Variants in PSTPIP1 observed in about 807,000 individuals in gnomAD.
PSTPIP1 encodes proline-serine-threonine phosphatase interacting protein 1.
PSTPIP1 carries 66 observed loss-of-function variants against 69.6 expected under a neutral mutation model. The observed-to-expected ratio is 0.95, with a 90% CI of 0.78 to 1.16. The LOEUF is 1.16. Among genes scored for constraint, PSTPIP1 ranks in the 50% most tolerant of loss-of-function variants. PSTPIP1 has a pLI of 0.00. For missense variants in PSTPIP1, 603 were observed against 557.4 expected, an observed-to-expected ratio of 1.08 and a Z score of -0.82; for synonymous variants, 266 against 222.7, an observed-to-expected ratio of 1.19 and a Z score of -1.73.
intron 9 of PSTPIP1, 51 bp from the exon 10 acceptor site, chr15:77,031,129 C>T (rs958509759): frequency 3.8e-5 from 58 of 1,531,962 alleles, no homozygotes; most frequent in South Asian, 1.6e-4. Context: ...CCAGCCTGGC[C>T]GGGCCCTGCA....
intron 3 of PSTPIP1, among the ~76,000 whole-genome samples, chr15:77,020,788 T>A (rs1406272136): frequency 6.8e-6 from 1 of 147,418 alleles, no homozygotes; most frequent in African/African-American, 2.5e-5. Context: ...CAATTACCCC[T>A]CCCCATGCCA....
At chr15:77,032,535 G>A (rs775344858) in intron 11 of PSTPIP1, 141 bp downstream of exon 11, 26 of 887,294 alleles carry the variant, frequency 2.9e-5, no homozygotes, top group Middle Eastern at 2.2e-4. Flanking sequence ...CAGGGGTTGT[G>A]GGGAGTTGGG....
In PSTPIP1 at chr15:76,995,375, A is replaced by C. The variant is rs912596582; in HGVS notation, c.-199A>C. ...TTTGCTGCTGATTCTAGCCCCAAAC[A>C]AAACAGGTTGAGCTTTTTCCTCCCC... On this transcript the variant is annotated 5_prime_UTR_variant, in exon 1 of 15. Transcript: ENST00000558012. The C allele has an allele frequency of 2.1e-6, 3 of 1,438,984 alleles. No homozygotes were observed. Among genetic ancestry groups the C allele is most frequent in the South Asian group, 3.0e-5 (2 of 67,628 alleles). 89.1% of individuals were successfully genotyped at this position (1,438,984 alleles called of 1,614,324 possible). A position where few individuals can be genotyped will look rare whatever the true frequency, so the allele number is the denominator to read the frequency against.
intron 9 of PSTPIP1, among the ~76,000 whole-genome samples, 180 bp from the exon 10 acceptor site, chr15:77,031,000 C>G: frequency 6.6e-6 from 1 of 152,236 alleles, no homozygotes; most frequent in Non-Finnish European, 1.5e-5. Context: ...ACCTCCCTCC[C>G]TGCAGCCTCA....
chr15:77,034,634 C>A (rs369333365), intron 12 of PSTPIP1, among the ~76,000 whole-genome samples: 1 of 152,180 alleles, frequency 6.6e-6, no homozygotes, highest in Non-Finnish European at 1.5e-5. Flanking sequence ...TCCTCCCCTG[C>A]ACCTGAGCCC....
chr15:77,000,476 TAC>T (rs893354130), intron 1 of PSTPIP1, among the ~76,000 whole-genome samples: 24 of 146,866 alleles, frequency 1.6e-4, no homozygotes, highest in South Asian at 2.2e-4. Flanking sequence ...TATATATATA[TAC>T]ACACACACAC....
rs2076088571 is a variant in PSTPIP1, at chr15:77,018,173, G to A, written c.62G>A (p.Gly21Asp). 3 of 1,587,892 alleles carry A rather than the reference G, an allele frequency of 1.9e-6. No homozygotes were observed. The South Asian group carries it at 3.5e-5, about 18-fold the overall frequency. The change falls in exon 2 of 15, where the codon GGC becomes GAC. Residue 21 changes from glycine (G) to aspartate (D), a missense_variant. Transcript: ENST00000558012. ...FWCRDFTAHT[G>D]YEVLLQRLLD... Reference sequence around the variant, plus strand: ...TGCAGGGACTTCACAGCCCACACGGGCTACGAGGTGCTGCTGCAGCGGCTT... The same window carrying A: ...TGCAGGGACTTCACAGCCCACACGGACTACGAGGTGCTGCTGCAGCGGCTT...
intron 1 of PSTPIP1, among the ~76,000 whole-genome samples, chr15:77,002,380 G>A (rs2075728185): frequency 6.6e-6 from 1 of 152,222 alleles, no homozygotes; most frequent in South Asian, 2.1e-4. Flanking sequence ...TTGGAAGTAG[G>A]ATTCTCTCCA....
chr15:77,031,396 C>T, intron 10 of PSTPIP1, 118 bp downstream of exon 10: 1 of 1,090,464 alleles, frequency 9.2e-7, no homozygotes, highest in Non-Finnish European at 1.4e-6. Flanking sequence ...AGCCTGGCCC[C>T]AGGGGTCTCA....
chr15:77,026,835 G>A (rs139563119), intron 5 of PSTPIP1, among the ~76,000 whole-genome samples: 128 of 152,380 alleles, frequency 8.4e-4, no homozygotes, highest in African/African-American at 2.9e-3. Context: ...CCAGGAAGGA[G>A]GGACCCCGGC....
At chr15:77,035,400 T>C in intron 12 of PSTPIP1, 108 bp from the exon 13 acceptor site, 1 of 1,214,048 alleles carries the variant, frequency 8.2e-7, no homozygotes, top group African/African-American at 1.5e-5. Context: ...GTCCCAGCCC[T>C]GGCAGAGCGC....
chr15:77,028,781 C>G, intron 7 of PSTPIP1, 129 bp downstream of exon 7: 1 of 796,424 alleles, frequency 1.3e-6, no homozygotes, highest in Non-Finnish European at 1.9e-6. Flanking sequence ...TCTCTGACCC[C>G]CAATCTCCCC....
rs772639391 is a variant in PSTPIP1 at position 77,007,972 on chromosome 15, A to G, written c.37-10176A>G. The G allele has an allele frequency of 1.2e-3, 566 of 455,942 alleles. 3 individuals are homozygous for G. The highest frequency in any genetic ancestry group is 2.1e-3 in the Non-Finnish European group (487 of 226,704). The allele number at this position is 455,942 out of a possible 1,614,324, so 28.2% of individuals were successfully genotyped here. A position where few individuals can be genotyped will look rare whatever the true frequency, so the allele number is the denominator to read the frequency against. On this transcript the variant is annotated intron_variant, in intron 1 of 14. Transcript: ENST00000558012. ...TTGGTCACCTCCTGAACAATTGCCC[A>G]TTGACCTGGACCAGCTCTGAGCCCA...
At chr15:77,032,973 G>A (rs760932713) in intron 12 of PSTPIP1, 21 bp downstream of exon 12, 152 of 1,580,134 alleles carry the variant, frequency 9.6e-5, no homozygotes, top group Admixed American at 2.3e-4. Flanking sequence ...GACAGACGGA[G>A]GGAGGGCCTA....
At chr15:77,018,061 C>A (rs984820089) in intron 1 of PSTPIP1, 87 bp from the exon 2 acceptor site, 6 of 1,353,056 alleles carry the variant, frequency 4.4e-6, no homozygotes, top group African/African-American at 1.4e-5. Flanking sequence ...GGAGGCTGTT[C>A]CCAGAGATGG....
chr15:77,035,601 T>C (rs2076542399), intron 13 of PSTPIP1, 38 bp downstream of exon 13: 2 of 1,549,460 alleles, frequency 1.3e-6, no homozygotes, highest in Non-Finnish European at 1.7e-6. Context: ...AACACACTGA[T>C]CCTGGGGGGG....
chr15:76,994,714 A>C, upstream of PSTPIP1: 2 of 1,266,016 alleles, frequency 1.6e-6, no homozygotes, highest in Non-Finnish European at 2.1e-6. Flanking sequence ...CCCCCAGAGC[A>C]CAGCTGTGTC....
At chr15:77,032,683 C>T in intron 11 of PSTPIP1, 179 bp from the exon 12 acceptor site, 1 of 639,312 alleles carries the variant, frequency 1.6e-6, no homozygotes, top group Non-Finnish European at 2.7e-6. Flanking sequence ...ATCACGGGTC[C>T]AGAATATTAG....
At position 76,996,652 on chromosome 15, in the gene PSTPIP1, C is replaced by T. The variant is rs181568154; in HGVS notation, c.36+1043C>T. On this transcript the variant is annotated intron_variant, in intron 1 of 14. Coordinates refer to ENST00000558012, the MANE Select transcript of PSTPIP1 (RefSeq NM_003978.5). ...GGCTCCACTTGGGGCCTGTGGCCAGCGTGTGAGTGTTCTGCTTCCTCTGCT... is the reference window on the plus strand; with the variant it reads ...GGCTCCACTTGGGGCCTGTGGCCAGTGTGTGAGTGTTCTGCTTCCTCTGCT... Among the ~76,000 whole-genome samples the T allele has an allele frequency of 1.6e-3, 240 of 152,378 alleles. 1 individual carries two copies. Among genetic ancestry groups the T allele is most frequent in the African/African-American group, 5.7e-3 (237 of 41,590 alleles).
Sources: gnomAD v4.1 joint callset for allele counts (sites outside exome capture counted in the v4.1 genomes callset) on GRCh38, gnomAD v4.1.1 for gene constraint, MANE v1.5 for transcripts, NCBI Gene and HGNC (gene_info 2026-07-23, HGNC 2026-07-21) for gene names.